The following MKRN2 variants were observed in gnomAD, a reference collection of about 807,000 sequenced individuals.
The protein encoded by MKRN2 is E3 ubiquitin-protein ligase makorin-2.
A neutral mutation model predicts 45.4 loss-of-function variants in MKRN2; 32 were observed. The observed-to-expected ratio is 0.70, with a 90% CI of 0.53 to 0.95. The LOEUF (loss-of-function observed/expected upper bound fraction) is 0.95, where lower values mean the gene tolerates loss of function less well. Ranked by LOEUF, MKRN2 falls within the 40% of genes least tolerant of loss-of-function variation. The pLI is 0.00. For missense variants in MKRN2, 526 were observed against 536.7 expected, an observed-to-expected ratio of 0.98 and a Z score of 0.20; for synonymous variants, 206 against 192.4, an observed-to-expected ratio of 1.07 and a Z score of -0.59.
chr3:12,575,143 C>T, intron 5 of MKRN2, 137 bp downstream of exon 5: 1 of 750,412 alleles, frequency 1.3e-6, no homozygotes, highest in East Asian at 2.7e-5. Flanking sequence ...TGAACTTCAG[C>T]AAGTCATTTA....
chr3:12,574,725 A>G, intron 4 of MKRN2, 67 bp from the exon 5 acceptor site: 1 of 1,401,988 alleles, frequency 7.1e-7, no homozygotes, highest in Admixed American at 1.8e-5. Context: ...GGCTGCAGCT[A>G]CTCCTAGGGC....
At chr3:12,579,830 G>A (rs1418822245) in intron 6 of MKRN2, among the ~76,000 whole-genome samples, 1 of 152,208 alleles carries the variant, frequency 6.6e-6, no homozygotes, top group Non-Finnish European at 1.5e-5. Context: ...GCCAGGCGCA[G>A]TGGCTTATGC....
intron 6 of MKRN2, among the ~76,000 whole-genome samples, chr3:12,577,718 C>A (rs190768505): frequency 6.6e-6 from 1 of 151,482 alleles, no homozygotes; most frequent in East Asian, 1.9e-4. Context: ...TCTTGTTGCC[C>A]AGGCTGGAGT....
At chr3:12,560,966 A>G (rs926546757) in intron 1 of MKRN2, 16 of 152,246 alleles carry the variant, frequency 1.1e-4, no homozygotes, top group African/African-American at 3.9e-4. Flanking sequence ...CTATAAGCAC[A>G]TGACAGAGAT....
At chr3:12,581,469 GC>G (rs1464500135) in intron 6 of MKRN2, among the ~76,000 whole-genome samples, 1 of 152,178 alleles carries the variant, frequency 6.6e-6, no homozygotes, top group Non-Finnish European at 1.5e-5. Context: ...GAGTGACCAG[GC>G]CTGGCTTAGC....
In MKRN2 at chr3:12,574,762, C is replaced by T. The variant is rs536528834; in HGVS notation, c.643-30C>T. 3.0e-5 allele frequency: 48 copies of T among 1,596,996 alleles called. No homozygotes were observed. In the South Asian group the frequency reaches 5.3e-4, roughly 18 times the overall value. On this transcript the variant is annotated intron_variant, in intron 4 of 7. Coordinates refer to ENST00000170447, the MANE Select transcript of MKRN2 (RefSeq NM_014160.5). ...CCTGCCACTCCTCAGTGGCCCACAA[C>T]CAAAGCCTTCCTTCCTGTCTGTGCT... is the stretch of plus-strand genomic sequence containing the variant.
Position 12,570,696 on chromosome 3 carries a change from G to A in MKRN2, c.337+444G>A, listed in dbSNP as rs1337006941. Among the ~76,000 whole-genome samples, 6 of 151,794 alleles carry A rather than the reference G, an allele frequency of 4.0e-5. 1 individual carries two copies. The highest frequency in any genetic ancestry group is 8.8e-5 in the Non-Finnish European group (6 of 67,942). On this transcript the variant is annotated intron_variant, in intron 3 of 7. Coordinates refer to ENST00000170447, the MANE Select transcript of MKRN2 (RefSeq NM_014160.5). ...GTTCGAGACCAGCCTGGCCAACATGGTTTAGTAGAAACCCTGTCTCTACTA... is the reference window on the plus strand; with the variant it reads ...GTTCGAGACCAGCCTGGCCAACATGATTTAGTAGAAACCCTGTCTCTACTA...
Position 12,583,066 on chromosome 3 carries a change from A to G in MKRN2, c.*813A>G, listed in dbSNP as rs181077226. 2.6e-5 allele frequency: 4 copies of G among 152,336 alleles called. No individual in the cohort carries two copies. The highest frequency in any genetic ancestry group is 2.0e-4 in the Admixed American group (3 of 15,300). 9.4% of individuals were successfully genotyped at this position (152,336 alleles called of 1,614,324 possible). On this transcript the variant is annotated 3_prime_UTR_variant, in exon 8 of 8. Coordinates refer to ENST00000170447, the MANE Select transcript of MKRN2 (RefSeq NM_014160.5). Reference sequence around the variant, plus strand: ...CTTGCCCATCAGGGTAATTGTATTGAGAACTCAAATATACGTGCACTTACA... The same window carrying G: ...CTTGCCCATCAGGGTAATTGTATTGGGAACTCAAATATACGTGCACTTACA...
At chr3:12,559,389 G>C (rs1336650751) in intron 1 of MKRN2, among the ~76,000 whole-genome samples, 2 of 152,006 alleles carry the variant, frequency 1.3e-5, no homozygotes, top group Admixed American at 6.6e-5. Context: ...GATTTATTTT[G>C]GGGACCAGAT....
Position 12,560,171 on chromosome 3 carries a change from C to T in MKRN2, c.26+2995C>T, listed in dbSNP as rs55918625. On this transcript the variant is annotated intron_variant, in intron 1 of 7. Transcript: ENST00000170447. ...TAGGATGAGCACTTACATGCATTTT[C>T]TCAGTTAAATGTCCCAGTAGTCTAT... 9.8e-3 allele frequency among the ~76,000 whole-genome samples: 1,499 copies of T among 152,304 alleles called. 11 individuals carry two copies. Among genetic ancestry groups the T allele is most frequent in the Non-Finnish European group, 0.015 (1,042 of 68,020 alleles).
At chr3:12,577,897 A>AGGTG (rs2058152722) in intron 6 of MKRN2, among the ~76,000 whole-genome samples, 1 of 151,866 alleles carries the variant, frequency 6.6e-6, no homozygotes, top group Admixed American at 6.6e-5. Context: ...GGCTGGTCTC[A>AGGTG]AACTCCTGAC....
intron 6 of MKRN2, among the ~76,000 whole-genome samples, chr3:12,577,541 C>T (rs1360074162): frequency 2.0e-5 from 3 of 151,924 alleles, no homozygotes; most frequent in East Asian, 1.9e-4. Flanking sequence ...TGAAGTTGAC[C>T]TCTGTTGTCT....
At chr3:12,560,548 G>GTTT in intron 1 of MKRN2, among the ~76,000 whole-genome samples, 1 of 151,158 alleles carries the variant, frequency 6.6e-6, no homozygotes, top group African/African-American at 2.4e-5. Flanking sequence ...TTGCAAAAGC[G>GTTT]TTTTGCTAAA....
chr3:12,573,362 C>CAA (rs75408992), intron 4 of MKRN2, among the ~76,000 whole-genome samples: 2 of 126,614 alleles, frequency 1.6e-5, no homozygotes, highest in Admixed American at 8.1e-5. Flanking sequence ...CCCGTCTCTA[C>CAA]AAAAAAAAAA....
At chr3:12,570,883 C>T (rs1169968372) in intron 3 of MKRN2, among the ~76,000 whole-genome samples, 2 of 48,784 alleles carry the variant, frequency 4.1e-5, no homozygotes, top group South Asian at 1.4e-3. Context: ...GACTCCCTCT[C>T]AAAAAAAAAA....
At chr3:12,565,400 A>G (rs2058063356) in intron 1 of MKRN2, among the ~76,000 whole-genome samples, 1 of 152,118 alleles carries the variant, frequency 6.6e-6, no homozygotes, top group Non-Finnish European at 1.5e-5. Flanking sequence ...GTTTCTGGCT[A>G]GAATACGTCA....
In MKRN2 at chr3:12,570,188, T is replaced by G. The variant is rs769789300; in HGVS notation, c.273T>G (p.Ile91Met). The G allele has an allele frequency of 6.2e-7, 1 of 1,614,156 alleles. No homozygotes were observed. Among genetic ancestry groups the G allele is most frequent in the Non-Finnish European group, 8.5e-7 (1 of 1,180,024 alleles). Residue 91 changes from isoleucine (I) to methionine (M), a missense_variant, in exon 3 of 8, where the codon ATT becomes ATG. Physicochemically the swap from Ile to Met is conservative, Grantham distance 10. Coordinates refer to ENST00000170447, the MANE Select transcript of MKRN2 (RefSeq NM_014160.5). ...CTCCTTCCGAGGTCACTGCATCCAT[T>G]GTGAAAACTAACTCACATGAACCCG... ...PHPPSEVTAS[I>M]VKTNSHEPGK...
chr3:12,574,337 C>G (rs1194991306), intron 4 of MKRN2, among the ~76,000 whole-genome samples: 1 of 152,164 alleles, frequency 6.6e-6, no homozygotes, highest in African/African-American at 2.4e-5. Context: ...GAATCATTTT[C>G]TTGGGGAGAA....
chr3:12,569,006 A>C lies in MKRN2; in HGVS notation c.155+3A>C. On this transcript the variant is annotated splice_donor_region_variant and intron_variant, in intron 2 of 7. Transcript: ENST00000170447. ...TGTGCCTATGGAACTCGGTGCAGGC[A>C]AGGACTCTGCAACAGATTCCAGCTG... 1 of 1,612,786 alleles carries C rather than the reference A, an allele frequency of 6.2e-7. No homozygotes were observed. Among genetic ancestry groups the C allele is most frequent in the African/African-American group, 1.3e-5 (1 of 75,000 alleles).
Sources: gnomAD v4.1 joint callset for allele counts (sites outside exome capture counted in the v4.1 genomes callset) on GRCh38, gnomAD v4.1.1 for gene constraint, MANE v1.5 for transcripts, NCBI Gene and HGNC (gene_info 2026-07-23, HGNC 2026-07-21) for gene names.